The following NFS1 variants were observed in gnomAD, a reference collection of about 807,000 sequenced individuals.
The protein encoded by NFS1 is cysteine desulfurase.
Under a neutral mutation model 57.3 loss-of-function variants are expected in NFS1, and 26 were observed. The ratio of observed to expected loss-of-function variants is 0.45; its 90% CI spans 0.33 to 0.63. The LOEUF is 0.63. Among genes scored for constraint, NFS1 ranks in the 20% least tolerant of loss-of-function variants. The probability of loss-of-function intolerance (pLI) is 0.02; values close to 1 mark genes in which losing one functional copy is unlikely to be tolerated. For synonymous variants in NFS1, 209 were observed against 216.3 expected (o/e 0.97, Z 0.30); for missense variants, 505 against 605.8 (o/e 0.83, Z 1.75).
chr20:35,680,745 C>T lies in NFS1; in HGVS notation c.782G>A (p.Gly261Asp). The T allele has an allele frequency of 6.5e-7, 1 of 1,550,322 alleles. No homozygotes were observed. The highest frequency in any genetic ancestry group is 8.7e-7 in the Non-Finnish European group (1 of 1,149,872). ...CTAGAAGGGGCTGGTACCTTTGGGA[C>T]CGTAGATTTTGTGACCACTAATGCT... ...LMSISGHKIYGPKGVGAIYIR... is the reference protein window; with the variant it reads ...LMSISGHKIYDPKGVGAIYIR... Residue 261 changes from glycine (G) to aspartate (D), a missense_variant, in exon 7 of 13, where the codon GGT (glycine) becomes GAT (aspartate). Gly to Asp is a moderately conservative substitution (Grantham distance 94). Transcript: ENST00000374092.
intron 11 of NFS1, among the ~76,000 whole-genome samples, 166 bp downstream of exon 11, chr20:35,673,435 A>G (rs753183145): frequency 5.3e-5 from 8 of 152,206 alleles, no homozygotes; most frequent in African/African-American, 1.9e-4. Context: ...GTGATACTCA[A>G]TGAAGTCTGA....
chr20:35,680,254 G>A lies in NFS1; in HGVS notation c.790+483C>T, dbSNP rs988233716. ...AGGGAGGTGGAGCTTGCAGTGAACC[G>A]AGATGGCGCCACTGCACTCCAGCCT... On this transcript the variant is annotated intron_variant, in intron 7 of 12. Transcript: ENST00000374092. 1.4e-4 allele frequency among the ~76,000 whole-genome samples: 21 copies of A among 152,136 alleles called. 1 individual carries two copies. In the East Asian group the frequency reaches 2.3e-3, roughly 17 times the overall value.
chr20:35,676,123 T>C (rs1281837126), intron 7 of NFS1: 3 of 151,476 alleles, frequency 2.0e-5, no homozygotes, highest in Non-Finnish European at 4.4e-5. Flanking sequence ...CCTTCTCCAC[T>C]AAAAATACAA....
rs2035163532 is a variant in NFS1, at chr20:35,697,796, G to A, written c.212C>T (p.Pro71Leu). 4 of 1,608,668 alleles carry A rather than the reference G, an allele frequency of 2.5e-6. No individual in the cohort carries two copies. Among genetic ancestry groups the A allele is most frequent in the Non-Finnish European group, 3.4e-6 (4 of 1,175,682 alleles). ...MDVQATTPLD[P>L]RVLDAMLPYL... ...AGGGAGCATGGCATCAAGCACCCGG[G>A]GGTCCTGAACACAACAGAACAGATC... The change falls in exon 3 of 13, where the codon CCC (proline) becomes CTC (leucine). Residue 71 changes from proline (P) to leucine (L), a missense_variant. Transcript: ENST00000374092.
intron 2 of NFS1, 91 bp downstream of exon 2, chr20:35,698,390 C>G (rs2035177687): frequency 2.0e-6 from 2 of 1,020,840 alleles, no homozygotes; most frequent in African/African-American, 3.2e-5. Context: ...CTTCACGGCT[C>G]TCACTTCTCC....
In NFS1 at chr20:35,674,623, G is replaced by A. The variant is rs772805776; in HGVS notation, c.949-6C>T. On this transcript the variant is annotated splice_polypyrimidine_tract_variant and splice_region_variant and intron_variant, in intron 8 of 12. Coordinates refer to ENST00000374092, the MANE Select transcript of NFS1 (RefSeq NM_021100.5). ...GAGATTCGCTTGTGGTCATACTAAG[G>A]AGCAGGCAAGGAAGGATTAGGCAGT... 1 of 1,609,792 alleles carries A rather than the reference G, an allele frequency of 6.2e-7. No individual in the cohort carries two copies.
intron 5 of NFS1, chr20:35,682,565 G>A (rs1192589608): frequency 6.6e-6 from 1 of 152,438 alleles, no homozygotes; most frequent in Non-Finnish European, 1.5e-5. Context: ...GAGGTTGGTG[G>A]GTGTCCTGAG....
chr20:35,672,498 G>A lies in NFS1; in HGVS notation c.1310+257C>T, dbSNP rs6121025. Reference sequence around the variant, plus strand: ...ACTTCTGACCTCAGGTGATCTGTCCGCCTCGGCTTCCCAAAGTGCTAGGAT... The same window carrying A: ...ACTTCTGACCTCAGGTGATCTGTCCACCTCGGCTTCCCAAAGTGCTAGGAT... On this transcript the variant is annotated intron_variant, in intron 12 of 12. Coordinates refer to ENST00000374092, the MANE Select transcript of NFS1 (RefSeq NM_021100.5). Among the ~76,000 whole-genome samples the A allele has an allele frequency of 0.068, 10,281 of 152,118 alleles. 424 individuals are homozygous for A. Among genetic ancestry groups the A allele is most frequent in the South Asian group, 0.18 (855 of 4,816 alleles).
chr20:35,680,764 T>G lies in NFS1; in HGVS notation c.763A>C (p.Ser255Arg). 1.3e-6 allele frequency: 2 copies of G among 1,567,336 alleles called. No homozygotes were observed. Among genetic ancestry groups the G allele is most frequent in the Non-Finnish European group, 1.7e-6 (2 of 1,158,142 alleles). The change falls in exon 7 of 13, where the codon AGT becomes CGT. Residue 255 changes from serine to arginine, a missense_variant. Transcript: ENST00000374092. ...TTGGGACCGTAGATTTTGTGACCAC[T>G]AATGCTCATGAGATCAATTTTCATG... ...NDMKIDLMSI[S>R]GHKIYGPKGV...
At chr20:35,674,926 AAG>A in intron 8 of NFS1, 117 bp downstream of exon 8, 9 of 1,374,924 alleles carry the variant, frequency 6.5e-6, no homozygotes, top group Non-Finnish European at 9.3e-6. Context: ...CAGGACAAGG[AAG>A]AGTTTTCTTA....
intron 7 of NFS1, chr20:35,675,827 A>G (rs892947891): frequency 1.3e-5 from 2 of 149,470 alleles, no homozygotes; most frequent in African/African-American, 5.0e-5. Context: ...GCTGAGATCA[A>G]GCCACTGCAC....
intron 5 of NFS1, among the ~76,000 whole-genome samples, chr20:35,686,131 A>G (rs900214542): frequency 6.6e-5 from 10 of 151,456 alleles, no homozygotes; most frequent in African/African-American, 2.4e-4. Flanking sequence ...GGGTTTCACC[A>G]TGTTGGCCAG....
Position 35,696,405 on chromosome 20 carries a change from G to C in NFS1, c.380C>G (p.Ala127Gly). The change falls in exon 4 of 13, where the codon GCT becomes GGT. Residue 127 changes from alanine to glycine, a missense_variant. By Grantham distance (60) the Ala-to-Gly change is moderately conservative. Transcript: ENST00000374092. ...DPREIIFTSG[A>G]TESNNIAIKG... Reference sequence around the variant, plus strand: ...AATTGCTATGTTGTTGGATTCAGTAGCACCACTAGTAAAAATGATCTCACG... The same window carrying C: ...AATTGCTATGTTGTTGGATTCAGTACCACCACTAGTAAAAATGATCTCACG... 1 of 1,613,796 alleles carries C rather than the reference G, an allele frequency of 6.2e-7. No individual in the cohort carries two copies. The highest frequency in any genetic ancestry group is 8.5e-7 in the Non-Finnish European group (1 of 1,179,702).
chr20:35,673,511 A>C (rs2034691278), intron 11 of NFS1, 90 bp downstream of exon 11: 1 of 1,114,940 alleles, frequency 9.0e-7, no homozygotes, highest in East Asian at 2.4e-5. Flanking sequence ...ACTGAGAAAA[A>C]CTTCAGGGTG....
chr20:35,679,108 A>T (rs1237759976), intron 7 of NFS1, among the ~76,000 whole-genome samples: 5 of 152,308 alleles, frequency 3.3e-5, no homozygotes, highest in South Asian at 2.1e-4. Context: ...AGTGTTGATC[A>T]GAGCTTCTGA....
chr20:35,675,351 A>G (rs912086936), intron 7 of NFS1, 149 bp from the exon 8 acceptor site: 7 of 751,920 alleles, frequency 9.3e-6, no homozygotes, highest in Non-Finnish European at 1.5e-5. Context: ...AAGAAGAAAC[A>G]GCAGTAAAAG....
intron 12 of NFS1, 28 bp from the exon 13 acceptor site, chr20:35,669,713 G>A (rs1332565588): frequency 1.2e-6 from 2 of 1,606,732 alleles, no homozygotes; most frequent in Admixed American, 1.7e-5. Flanking sequence ...CATTAAATGA[G>A]TGAGGGCTTA....
At chr20:35,689,559 G>A (rs1279193403) in intron 5 of NFS1, among the ~76,000 whole-genome samples, 1 of 152,006 alleles carries the variant, frequency 6.6e-6, no homozygotes, top group East Asian at 1.9e-4. Context: ...ACGAGGTCAG[G>A]AGATAGAGAC....
At chr20:35,671,409 T>C (rs566746831) in intron 12 of NFS1, among the ~76,000 whole-genome samples, 82 of 150,210 alleles carry the variant, frequency 5.5e-4, no homozygotes, top group Non-Finnish European at 1.0e-3. Flanking sequence ...CCACAGAAAA[T>C]ATATTTTTAA....
Sources: gnomAD v4.1 joint callset for allele counts (sites outside exome capture counted in the v4.1 genomes callset) on GRCh38, gnomAD v4.1.1 for gene constraint, MANE v1.5 for transcripts, NCBI Gene and HGNC (gene_info 2026-07-23, HGNC 2026-07-21) for gene names.